Variants in ME2 observed in about 807,000 individuals in gnomAD.
ME2 encodes the protein malic enzyme 2.
Under a neutral mutation model 73.7 loss-of-function variants are expected in ME2, and 60 were observed. That is an observed-to-expected ratio of 0.81 (90% CI 0.66 to 1.01). The LOEUF (loss-of-function observed/expected upper bound fraction) is 1.01. Ranked by LOEUF, ME2 falls within the 50% of genes least tolerant of loss-of-function variation. The pLI, the probability that ME2 is intolerant of heterozygous loss-of-function variation, is 0.00. For synonymous variants in ME2, 199 were observed against 236.9 expected, an observed-to-expected ratio of 0.84 and a Z score of 1.47; for missense variants, 594 against 705.5, an observed-to-expected ratio of 0.84 and a Z score of 1.79.
intron 5 of ME2, 56 bp downstream of exon 5, chr18:50,916,299 C>A: frequency 7.6e-7 from 1 of 1,310,180 alleles, no homozygotes; most frequent in Non-Finnish European, 1.1e-6. Flanking sequence ...TGTAAATTAC[C>A]TCTAAATCTC....
chr18:50,941,892 C>G (rs1162881340), intron 15 of ME2, among the ~76,000 whole-genome samples: 1 of 151,354 alleles, frequency 6.6e-6, no homozygotes, highest in Non-Finnish European at 1.5e-5. Flanking sequence ...AAAATTGTTT[C>G]TCATTATTAA....
chr18:50,916,873 A>T (rs553966516), intron 5 of ME2: 1 of 152,492 alleles, frequency 6.6e-6, no homozygotes, highest in South Asian at 2.1e-4. Context: ...AATTAAACTC[A>T]CAGTATCATC....
At chr18:50,916,389 T>C (rs1385373618) in intron 5 of ME2, 146 bp downstream of exon 5, 6 of 596,330 alleles carry the variant, frequency 1.0e-5, no homozygotes. Context: ...GCTGAAGTGA[T>C]GATAATAGTA....
intron 12 of ME2, among the ~76,000 whole-genome samples, chr18:50,928,709 C>T (rs1917622269): frequency 6.6e-6 from 1 of 152,142 alleles, no homozygotes; most frequent in South Asian, 2.1e-4. Flanking sequence ...TTCCAGTTTG[C>T]CCTTTCTCCT....
intron 10 of ME2, among the ~76,000 whole-genome samples, chr18:50,922,738 G>A (rs1481274080): frequency 2.6e-5 from 4 of 152,040 alleles, no homozygotes; most frequent in Non-Finnish European, 4.4e-5. Flanking sequence ...TTGGCCTATG[G>A]GCATTAGGCT....
At chr18:50,897,279 A>G (rs981487794) in intron 2 of ME2, among the ~76,000 whole-genome samples, 1 of 152,218 alleles carries the variant, frequency 6.6e-6, no homozygotes, top group African/African-American at 2.4e-5. Flanking sequence ...CATTTGATAA[A>G]TATATTGGTT....
rs1197582986 is a variant in ME2, at chr18:50,951,422, A to G, written c.*4238A>G. ...ATGCTCCCATAGTTTTTTTTCCTCAAGCCCAGTCAGTATCCTTCAAGGATA... is the reference window on the plus strand; with the variant it reads ...ATGCTCCCATAGTTTTTTTTCCTCAGGCCCAGTCAGTATCCTTCAAGGATA... On this transcript the variant is annotated 3_prime_UTR_variant, in exon 16 of 16. Coordinates refer to ENST00000321341, the MANE Select transcript of ME2 (RefSeq NM_002396.5). 6.6e-6 allele frequency: 1 copy of G among 152,112 alleles called. No individual in the cohort carries two copies. Among genetic ancestry groups the G allele is most frequent in the Non-Finnish European group, 1.5e-5 (1 of 68,024 alleles). 9.4% of individuals were successfully genotyped at this position (152,112 alleles called of 1,614,324 possible).
intron 12 of ME2, among the ~76,000 whole-genome samples, chr18:50,927,751 T>TATATATATACAC (rs1316314513): frequency 1.6e-5 from 2 of 123,306 alleles, no homozygotes; most frequent in African/African-American, 6.7e-5. Context: ...TATATATATA[T>TATATATATACAC]ACACACCACA....
intron 1 of ME2, among the ~76,000 whole-genome samples, chr18:50,886,634 TAGAACATTA>T (rs1916479884): frequency 2.0e-5 from 3 of 152,172 alleles, no homozygotes; most frequent in Non-Finnish European, 4.4e-5. Flanking sequence ...TTACTGGTAA[TAGAACATTA>T]AGAGAATACT....
rs1220811816 is a variant in ME2, at chr18:50,908,093, A to G, written c.139A>G (p.Met47Val). 8.8e-6 allele frequency: 14 copies of G among 1,591,370 alleles called. No individual in the cohort carries two copies. Among genetic ancestry groups the G allele is most frequent in the Non-Finnish European group, 1.2e-5 (14 of 1,169,350 alleles). Residue 47 changes from methionine (M) to valine (V), a missense_variant, in exon 3 of 16, where the codon ATG becomes GTG. Met to Val is a conservative substitution (Grantham distance 21, BLOSUM62 1). Coordinates refer to ENST00000321341, the MANE Select transcript of ME2 (RefSeq NM_002396.5). ...GGCATTTACTTTACAAGAACGACAA[A>G]TGCTTGGTCTTCAAGGACTTCTACC... Reference protein sequence around the residue: ...GMAFTLQERQMLGLQGLLPPK... With the variant: ...GMAFTLQERQVLGLQGLLPPK...
intron 10 of ME2, among the ~76,000 whole-genome samples, chr18:50,923,421 T>C (rs569435597): frequency 1.1e-4 from 17 of 152,290 alleles, no homozygotes; most frequent in African/African-American, 3.6e-4. Context: ...GGAGAATATG[T>C]AATATTTGAT....
At chr18:50,921,213 C>A in intron 10 of ME2, 26 bp downstream of exon 10, 1 of 1,140,952 alleles carries the variant, frequency 8.8e-7, no homozygotes, top group Non-Finnish European at 1.3e-6. Flanking sequence ...TTTGGAGAAG[C>A]AAAAGAGTGT....
chr18:50,924,703 G>GTT (rs772295966), intron 11 of ME2, among the ~76,000 whole-genome samples: 3 of 143,974 alleles, frequency 2.1e-5, no homozygotes, highest in East Asian at 2.1e-4. Flanking sequence ...CTTGTTTTTT[G>GTT]TTTTTTTTTT....
intron 15 of ME2, among the ~76,000 whole-genome samples, chr18:50,945,865 A>C (rs1283761195): frequency 1.3e-5 from 2 of 152,112 alleles, no homozygotes; most frequent in African/African-American, 4.8e-5. Context: ...TCAAGAGTTC[A>C]GGAGCAGCCT....
chr18:50,913,860 T>TATACACAC lies in ME2; in HGVS notation c.392+911_392+912insTACACACA, dbSNP rs112137080. Among the ~76,000 whole-genome samples, 1,101 of 143,282 alleles carry TATACACAC rather than the reference T, an allele frequency of 7.7e-3. 18 individuals are homozygous for TATACACAC. The highest frequency in any genetic ancestry group is 0.026 in the African/African-American group (983 of 38,076). The allele number at this position is 143,282 out of a possible 152,430, so 94.0% of individuals were successfully genotyped here. ...CTTTGGAAAATTATCAGCAATATTA[T>TATACACAC]ACACACACACACACACACACACACA... is the stretch of plus-strand genomic sequence containing the variant. On this transcript the variant is annotated intron_variant, in intron 4 of 15. Coordinates refer to ENST00000321341, the MANE Select transcript of ME2 (RefSeq NM_002396.5).
At chr18:50,932,226 A>T in intron 12 of ME2, 32 bp from the exon 13 acceptor site, 1 of 1,577,376 alleles carries the variant, frequency 6.3e-7, no homozygotes, top group Non-Finnish European at 8.7e-7. Context: ...ACAGAAAATA[A>T]CAAAATTGAA....
At chr18:50,903,437 A>G (rs1753442541) in intron 2 of ME2, among the ~76,000 whole-genome samples, 1 of 152,152 alleles carries the variant, frequency 6.6e-6, no homozygotes, top group African/African-American at 2.4e-5. Context: ...TATCTTTGGC[A>G]ATAAGGATAG....
In ME2 at chr18:50,941,353, C is replaced by CTTTTTTTTTTTT. The variant is rs57428974; in HGVS notation, c.1587+987_1587+998dup. 1.6e-3 allele frequency among the ~76,000 whole-genome samples: 100 copies of CTTTTTTTTTTTT among 63,846 alleles called. 22 individuals carry two copies. Among genetic ancestry groups the CTTTTTTTTTTTT allele is most frequent in the African/African-American group, 4.3e-3 (53 of 12,428 alleles). The allele number at this position is 63,846 out of a possible 152,430, so 41.9% of individuals were successfully genotyped here. A position where few individuals can be genotyped will look rare whatever the true frequency, so the allele number is the denominator to read the frequency against. On this transcript the variant is annotated intron_variant, in intron 15 of 15. Transcript: ENST00000321341. Reference sequence around the variant, plus strand: ...TCTTTGTGTGTATTTGTGATGGTTTCTTTTTTTTTTTTTTTTTTTTTTTTT... The same window carrying CTTTTTTTTTTTT: ...TCTTTGTGTGTATTTGTGATGGTTTCTTTTTTTTTTTTTTTTTTTTTTTTTTTTTTTTTTTTT...
intron 1 of ME2, among the ~76,000 whole-genome samples, chr18:50,880,839 A>G (rs1487499940): frequency 6.6e-6 from 1 of 152,220 alleles, no homozygotes; most frequent in African/African-American, 2.4e-5. Context: ...TATGGGTGAC[A>G]CCCTTAGAGG....
Sources: allele counts gnomAD v4.1 joint callset (sites outside exome capture counted in the v4.1 genomes callset), GRCh38; gene constraint gnomAD v4.1.1; transcripts MANE v1.5; gene names NCBI Gene and HGNC (gene_info 2026-07-23, HGNC 2026-07-21).